SRD5A2: variants seen among roughly 807,000 people sequenced by gnomAD.
SRD5A2 encodes the protein steroid 5 alpha-reductase 2.
Under a neutral mutation model 27.4 loss-of-function variants are expected in SRD5A2, and 30 were observed. That is an observed-to-expected ratio of 1.10 (90% CI 0.82 to 1.49). SRD5A2 has a LOEUF of 1.49. SRD5A2 is among the 40% of genes most tolerant of loss of function. SRD5A2 has a pLI of 0.00. For missense variants in SRD5A2, 348 were observed against 323.4 expected, an observed-to-expected ratio of 1.08 and a Z score of -0.58; for synonymous variants, 141 against 133.6, an observed-to-expected ratio of 1.06 and a Z score of -0.38.
chr2:31,531,254 C>A, intron 3 of SRD5A2, 117 bp downstream of exon 3: 1 of 682,040 alleles, frequency 1.5e-6, no homozygotes, highest in Admixed American at 2.8e-5. Context: ...CAAGAGCAAG[C>A]TGAGAGGTAT....
intron 1 of SRD5A2, chr2:31,563,316 C>T (rs574842546): frequency 3.9e-5 from 6 of 152,044 alleles, no homozygotes; most frequent in African/African-American, 1.4e-4. Flanking sequence ...TACTAAAACC[C>T]ATTGGAGACA....
the SRD5A2 span, among the ~76,000 whole-genome samples, chr2:31,638,252 G>A: frequency 2.0e-5 from 3 of 151,856 alleles, no homozygotes; most frequent in South Asian, 6.2e-4. Flanking sequence ...GTTCCCCCTT[G>A]TTTTTTGATT....
At chr2:31,572,779 A>G (rs1300937557) in intron 1 of SRD5A2, among the ~76,000 whole-genome samples, 4 of 152,226 alleles carry the variant, frequency 2.6e-5, no homozygotes, top group Non-Finnish European at 4.4e-5. Flanking sequence ...TCTATACATG[A>G]AAAAAGATCT....
the SRD5A2 span, among the ~76,000 whole-genome samples, chr2:31,592,285 C>G: frequency 3.9e-5 from 6 of 152,090 alleles, no homozygotes; most frequent in Non-Finnish European, 5.9e-5. Context: ...CAAACCTGAT[C>G]CTAGGAAGGA....
At chr2:31,537,322 C>A (rs1023587821) in intron 1 of SRD5A2, among the ~76,000 whole-genome samples, 5 of 152,136 alleles carry the variant, frequency 3.3e-5, no homozygotes, top group African/African-American at 1.2e-4. Context: ...TATAGCAACT[C>A]CAGAGAGTTG....
At chr2:31,549,081 A>AATAATTATT (rs1553325820) in intron 1 of SRD5A2, among the ~76,000 whole-genome samples, 3 of 131,378 alleles carry the variant, frequency 2.3e-5, no homozygotes, top group East Asian at 4.5e-4. Context: ...AAGTAGAGGG[A>AATAATTATT]ATTATTATTA....
chr2:31,572,144 C>T (rs1666862031), intron 1 of SRD5A2, among the ~76,000 whole-genome samples: 1 of 152,144 alleles, frequency 6.6e-6, no homozygotes, highest in South Asian at 2.1e-4. Flanking sequence ...GAATATTATG[C>T]AGCCATGAAA....
the SRD5A2 span, among the ~76,000 whole-genome samples, chr2:31,589,087 A>G: frequency 6.6e-6 from 1 of 152,198 alleles, no homozygotes; most frequent in East Asian, 1.9e-4. Flanking sequence ...CTCTGAACAC[A>G]CATCCCCACT....
chr2:31,591,682 C>T, the SRD5A2 span, among the ~76,000 whole-genome samples: 1 of 148,912 alleles, frequency 6.7e-6, no homozygotes, highest in African/African-American at 2.5e-5. Context: ...GACTTGGAAC[C>T]AAGCCAAATG....
the SRD5A2 span, among the ~76,000 whole-genome samples, chr2:31,621,409 G>A: frequency 2.0e-5 from 3 of 152,030 alleles, no homozygotes; most frequent in Non-Finnish European, 4.4e-5. Context: ...AATTCCTTGA[G>A]GATTCATCCA....
intron 1 of SRD5A2, among the ~76,000 whole-genome samples, chr2:31,561,688 A>G (rs1294267110): frequency 6.6e-6 from 1 of 152,154 alleles, no homozygotes; most frequent in African/African-American, 2.4e-5. Context: ...CATCTAATGA[A>G]TTACCAAGGT....
the SRD5A2 span, among the ~76,000 whole-genome samples, chr2:31,637,255 G>A: frequency 6.6e-6 from 1 of 151,926 alleles, no homozygotes; most frequent in Non-Finnish European, 1.5e-5. Flanking sequence ...CAACTTGTTG[G>A]TTTGTAGTGG....
At chr2:31,631,482 C>T in the SRD5A2 span, among the ~76,000 whole-genome samples, 462 of 152,080 alleles carry the variant, frequency 3.0e-3, 4 homozygotes, top group African/African-American at 0.011. Flanking sequence ...AGATGGGAAA[C>T]GTTCCCCCCC....
the SRD5A2 span, among the ~76,000 whole-genome samples, chr2:31,639,160 A>C: frequency 6.6e-6 from 1 of 152,086 alleles, no homozygotes; most frequent in African/African-American, 2.4e-5. Context: ...CTTATCTTAG[A>C]TCACAAACAA....
intron 2 of SRD5A2, among the ~76,000 whole-genome samples, chr2:31,532,340 C>T (rs559603363): frequency 3.3e-5 from 5 of 151,474 alleles, no homozygotes; most frequent in Non-Finnish European, 7.4e-5. Flanking sequence ...CACTAACAAA[C>T]TGACTTCCAT....
At chr2:31,558,604 C>A (rs971008138) in intron 1 of SRD5A2, among the ~76,000 whole-genome samples, 1 of 152,200 alleles carries the variant, frequency 6.6e-6, no homozygotes, top group African/African-American at 2.4e-5. Flanking sequence ...TATGAGGACA[C>A]TAGTCACATT....
intron 4 of SRD5A2, among the ~76,000 whole-genome samples, chr2:31,526,558 A>C (rs1030279201): frequency 6.6e-6 from 1 of 152,186 alleles, no homozygotes; most frequent in Non-Finnish European, 1.5e-5. Context: ...AAAGTGGTAA[A>C]ATTTTTGTTA....
the SRD5A2 span, among the ~76,000 whole-genome samples, chr2:31,591,124 G>C: frequency 1.3e-5 from 2 of 152,140 alleles, no homozygotes; most frequent in African/African-American, 4.8e-5. Flanking sequence ...CACAGCAAAA[G>C]AAAATACCAT....
the SRD5A2 span, among the ~76,000 whole-genome samples, chr2:31,662,454 G>T: frequency 6.6e-6 from 1 of 152,038 alleles, no homozygotes; most frequent in Non-Finnish European, 1.5e-5. Context: ...GACTAGCCGG[G>T]ACTACAGGTG....
Sources: gnomAD v4.1 joint callset for allele counts (sites outside exome capture counted in the v4.1 genomes callset) on GRCh38, gnomAD v4.1.1 for gene constraint, MANE v1.5 for transcripts, NCBI Gene and HGNC (gene_info 2026-07-23, HGNC 2026-07-21) for gene names.